Variants in MAPK4 observed in about 807,000 individuals in gnomAD.
MAPK4 encodes mitogen-activated protein kinase 4.
In MAPK4, 22 loss-of-function variants were observed where a neutral mutation model predicts 47.7. That is an observed-to-expected ratio of 0.46 (90% confidence interval 0.33 to 0.66). The LOEUF (loss-of-function observed/expected upper bound fraction) is 0.66. Ranked by LOEUF, MAPK4 falls within the 30% of genes least tolerant of loss-of-function variation. MAPK4 has a pLI of 0.02. For synonymous variants in MAPK4, 390 were observed against 365.7 expected, an observed-to-expected ratio of 1.07 and a Z score of -0.76; for missense variants, 736 against 831.7, an observed-to-expected ratio of 0.88 and a Z score of 1.42.
At chr18:50,574,254 T>C (rs1250687633) in intron 1 of MAPK4, among the ~76,000 whole-genome samples, 1 of 152,240 alleles carries the variant, frequency 6.6e-6, no homozygotes, top group Non-Finnish European at 1.5e-5. Flanking sequence ...ATGGCACATA[T>C]ATTCATTCCT....
chr18:50,693,303 T>C lies in MAPK4; in HGVS notation c.547-21776T>C, dbSNP rs79380465. Among the ~76,000 whole-genome samples, 597 of 152,184 alleles carry C rather than the reference T, an allele frequency of 3.9e-3. 17 individuals are homozygous for C. In the East Asian group the frequency reaches 0.055, roughly 14 times the overall value. ...AGTCTACAAGCAAAGTGAATATATT[T>C]TACCTGTGCCTGTGTGCCCTCACTT... On this transcript the variant is annotated intron_variant, in intron 2 of 5. Transcript: ENST00000400384.
intron 2 of MAPK4, among the ~76,000 whole-genome samples, chr18:50,700,096 C>G (rs79690597): frequency 0.022 from 3,285 of 152,236 alleles, 53 homozygotes; most frequent in Admixed American, 0.038. Flanking sequence ...CTCTCCACCC[C>G]CTGGAAGTTG....
intron 1 of MAPK4, among the ~76,000 whole-genome samples, chr18:50,561,872 C>G (rs4939988): frequency 0.41 from 62,286 of 152,090 alleles, 13,756 homozygotes; most frequent in Non-Finnish European, 0.49. Context: ...GCATAAAGCA[C>G]CATGGAGTTA....
At position 50,722,062 on chromosome 18, in the gene MAPK4, G is replaced by T. The variant is rs1910964961; in HGVS notation, c.816G>T (p.Arg272Ser). ...TCAGCAGCACCTGGGAGGTGAAGAG[G>T]CCTCTGCGCAAGCTGCTCCCTGAAG... ...SFVSSTWEVK[R>S]PLRKLLPEVN... The change falls in exon 4 of 6, where the codon AGG becomes AGT. Residue 272 changes from arginine to serine, a missense_variant. Arg to Ser is a moderately radical substitution (Grantham distance 110). Around this residue, in one of 3 missense-constraint regions of MAPK4, gnomAD observed 327 missense variants for 395.4 expected, o/e 0.83. Transcript: ENST00000400384. 6.2e-7 allele frequency: 1 copy of T among 1,613,604 alleles called. No homozygotes were observed. Among genetic ancestry groups the T allele is most frequent in the Non-Finnish European group, 8.5e-7 (1 of 1,179,794 alleles).
intron 3 of MAPK4, among the ~76,000 whole-genome samples, chr18:50,718,426 C>G (rs1379313235): frequency 6.6e-6 from 1 of 152,066 alleles, no homozygotes; most frequent in Non-Finnish European, 1.5e-5. Flanking sequence ...CCATGTTGGC[C>G]AGGCTGGTCT....
At chr18:50,656,863 T>G (rs1014488121) in intron 1 of MAPK4, among the ~76,000 whole-genome samples, 1 of 152,210 alleles carries the variant, frequency 6.6e-6, no homozygotes, top group Admixed American at 6.5e-5. Flanking sequence ...AACCGTGTGC[T>G]GAGCAAGTTA....
chr18:50,645,017 C>T (rs1284221033), intron 1 of MAPK4, among the ~76,000 whole-genome samples: 1 of 152,090 alleles, frequency 6.6e-6, no homozygotes, highest in East Asian at 1.9e-4. Context: ...CAGGCGAGAG[C>T]CATCTAGAGG....
chr18:50,667,460 T>A (rs767106839), intron 2 of MAPK4, among the ~76,000 whole-genome samples: 4 of 152,190 alleles, frequency 2.6e-5, no homozygotes, highest in Non-Finnish European at 4.4e-5. Context: ...GACAGTAGGT[T>A]GGTTGTGGTC....
intron 1 of MAPK4, among the ~76,000 whole-genome samples, chr18:50,584,834 C>T (rs1485437440): frequency 6.6e-6 from 1 of 152,184 alleles, no homozygotes; most frequent in Non-Finnish European, 1.5e-5. Flanking sequence ...AGAGACTGAC[C>T]TGCACACAAA....
chr18:50,570,642 G>A (rs372186103), intron 1 of MAPK4, among the ~76,000 whole-genome samples: 26 of 152,306 alleles, frequency 1.7e-4, no homozygotes, highest in East Asian at 5.8e-4. Flanking sequence ...AGTCAAGACA[G>A]CCTTTCCAGA....
At chr18:50,638,736 GCAGCAGCAT>G (rs1339907507) in intron 1 of MAPK4, among the ~76,000 whole-genome samples, 2 of 152,242 alleles carry the variant, frequency 1.3e-5, no homozygotes, top group African/African-American at 4.8e-5. Flanking sequence ...GTCAGTAGCA[GCAGCAGCAT>G]CAGCAGCATC....
chr18:50,717,937 A>T lies in MAPK4; in HGVS notation c.691+2714A>T, dbSNP rs139133292. 1.1e-4 allele frequency among the ~76,000 whole-genome samples: 17 copies of T among 152,282 alleles called. No homozygotes were observed. In the East Asian group the frequency reaches 3.3e-3, roughly 29 times the overall value. ...GTGTGCACAGAACATAGTGCTAAGG[A>T]TGGGGAGAGGGATTGCTGTGGGACA... On this transcript the variant is annotated intron_variant, in intron 3 of 5. Coordinates refer to ENST00000400384, the MANE Select transcript of MAPK4 (RefSeq NM_002747.4).
At chr18:50,563,497 G>T (rs192653625) in intron 1 of MAPK4, among the ~76,000 whole-genome samples, 9 of 152,330 alleles carry the variant, frequency 5.9e-5, no homozygotes, top group Admixed American at 5.9e-4. Context: ...GGTTCAGCAT[G>T]ATCCCACAGC....
chr18:50,668,989 C>T (rs962491519), intron 2 of MAPK4, among the ~76,000 whole-genome samples: 8 of 152,240 alleles, frequency 5.3e-5, no homozygotes, highest in African/African-American at 1.9e-4. Context: ...AAAGTGCATT[C>T]AGATGTACGC....
chr18:50,644,676 A>G (rs1179677306), intron 1 of MAPK4, among the ~76,000 whole-genome samples: 2 of 152,168 alleles, frequency 1.3e-5, no homozygotes, highest in Admixed American at 6.5e-5. Flanking sequence ...TTCCATAGAG[A>G]TAAAGCTTAA....
rs765272318 is a variant in MAPK4 at position 50,664,003 on chromosome 18, C to A, written c.45C>A (p.Asp15Glu). 2.5e-6 allele frequency: 4 copies of A among 1,613,288 alleles called. No homozygotes were observed. The highest frequency in any genetic ancestry group is 3.4e-6 in the Non-Finnish European group (4 of 1,179,818). The change falls in exon 2 of 6, where the codon GAC becomes GAA. Residue 15 changes from aspartate to glutamate, a missense_variant. Coordinates refer to ENST00000400384, the MANE Select transcript of MAPK4 (RefSeq NM_002747.4). The surrounding 1 kb of genome is among the most constrained non-coding windows in gnomAD (Gnocchi z 6.0). ...GCATCGCCAGTGTCTATGGGTATGA[C>A]CTCGGTGGGCGCTTTGTTGACTTCC... ...GDCIASVYGY[D>E]LGGRFVDFQP...
intron 1 of MAPK4, among the ~76,000 whole-genome samples, chr18:50,571,828 T>C (rs1324009641): frequency 2.0e-5 from 3 of 152,184 alleles, no homozygotes; most frequent in Admixed American, 6.5e-5. Flanking sequence ...CCTGTACTTA[T>C]CAGAGACCAT....
intron 1 of MAPK4, among the ~76,000 whole-genome samples, chr18:50,561,383 C>A (rs1433124135): frequency 6.6e-6 from 1 of 152,206 alleles, no homozygotes; most frequent in African/African-American, 2.4e-5. Context: ...TGAGCACCTA[C>A]TATGTGAAAA....
Position 50,664,340 on chromosome 18 carries a change from C to A in MAPK4, c.382C>A (p.Leu128Met). 6.2e-7 allele frequency: 1 copy of A among 1,613,932 alleles called. No homozygotes were observed. Among genetic ancestry groups the A allele is most frequent in the Non-Finnish European group, 8.5e-7 (1 of 1,180,032 alleles). The change falls in exon 2 of 6, where the codon CTG (leucine) becomes ATG (methionine). Residue 128 changes from leucine (L) to methionine (M), a missense_variant. Coordinates refer to ENST00000400384, the MANE Select transcript of MAPK4 (RefSeq NM_002747.4). The surrounding 1 kb of genome is among the most constrained non-coding windows in gnomAD (Gnocchi z 6.0). ...CACGCTGGCAGAAGAGCATGCCAAG[C>A]TGTTCATGTACCAGCTGCTCCGCGG... is the stretch of plus-strand genomic sequence containing the variant. ...QGTLAEEHAK[L>M]FMYQLLRGLK... is the part of the protein sequence containing the mutation.
Sources: gnomAD v4.1 joint callset for allele counts (sites outside exome capture counted in the v4.1 genomes callset) on GRCh38, gnomAD v4.1.1 for gene constraint, gnomAD v4.1.1 regional missense constraint, Gnocchi (gnomAD v3.1) non-coding constraint, MANE v1.5 for transcripts, NCBI Gene and HGNC (gene_info 2026-07-23, HGNC 2026-07-21) for gene names.